The following HSD17B6 variants were observed in gnomAD, a reference collection of about 807,000 sequenced individuals.
HSD17B6 encodes 17-beta-hydroxysteroid dehydrogenase type 6.
Under a neutral mutation model 26.4 loss-of-function variants are expected in HSD17B6, and 16 were observed. That is an observed-to-expected ratio of 0.61 (90% confidence interval 0.41 to 0.92). HSD17B6 has a LOEUF of 0.92. HSD17B6 is among the 40% of genes least tolerant of loss of function. The pLI is 0.00. For synonymous variants in HSD17B6, 139 were observed against 153.0 expected, an observed-to-expected ratio of 0.91 and a Z score of 0.68; for missense variants, 357 against 386.1, an observed-to-expected ratio of 0.92 and a Z score of 0.63.
At chr12:56,784,800 A>G in intron 3 of HSD17B6, 53 bp from the exon 4 acceptor site, 2 of 1,552,964 alleles carry the variant, frequency 1.3e-6, no homozygotes, top group South Asian at 2.4e-5. Context: ...TCCTTCCTGA[A>G]AGCATTGAAA....
chr12:56,771,501 C>T (rs373246096), intron 1 of HSD17B6, among the ~76,000 whole-genome samples: 1 of 146,420 alleles, frequency 6.8e-6, no homozygotes, highest in Admixed American at 7.0e-5. Context: ...CTCTGTCACC[C>T]AGGCTGGAAT....
chr12:56,777,450 C>T (rs889858006), intron 2 of HSD17B6, among the ~76,000 whole-genome samples: 24 of 151,198 alleles, frequency 1.6e-4, no homozygotes, highest in Middle Eastern at 3.2e-3. Flanking sequence ...CTGCAAACTC[C>T]GCCTCCCAGG....
Position 56,787,081 on chromosome 12 carries a change from T to C in HSD17B6, c.737-44T>C, listed in dbSNP as rs1298689432. On this transcript the variant is annotated intron_variant, in intron 4 of 4. Transcript: ENST00000322165. The stretch of plus-strand genomic sequence containing the variant: ...CTGTGACTGCATGATCTTAAAAATA[T>C]AAGGAATAAGATTGTTGACCACCAT... 8 of 1,422,282 alleles carry C rather than the reference T, an allele frequency of 5.6e-6. No individual in the cohort carries two copies. In the Admixed American group the frequency reaches 1.4e-4, roughly 24 times the overall value. The allele number at this position is 1,422,282 out of a possible 1,614,324, so 88.1% of individuals were successfully genotyped here. A position where few individuals can be genotyped will look rare whatever the true frequency, so the allele number is the denominator to read the frequency against.
chr12:56,783,679 C>T (rs1421295894), intron 3 of HSD17B6, among the ~76,000 whole-genome samples: 12 of 141,488 alleles, frequency 8.5e-5, no homozygotes, highest in East Asian at 2.2e-4. Flanking sequence ...GACGGCTGGC[C>T]GGGCGGGGGG....
chr12:56,768,875 G>A (rs1436218216), intron 1 of HSD17B6, among the ~76,000 whole-genome samples: 2 of 152,030 alleles, frequency 1.3e-5, no homozygotes, highest in Non-Finnish European at 2.9e-5. Flanking sequence ...TAGAGAACAT[G>A]GATGGTAAAG....
At chr12:56,782,827 G>A (rs544560452) in intron 3 of HSD17B6, among the ~76,000 whole-genome samples, 16 of 152,160 alleles carry the variant, frequency 1.1e-4, no homozygotes, top group African/African-American at 3.9e-4. Flanking sequence ...CTTGAGATTA[G>A]GGAGTGGTGA....
chr12:56,764,122 T>C (rs978466695), intron 1 of HSD17B6, among the ~76,000 whole-genome samples: 15 of 71,528 alleles, frequency 2.1e-4, no homozygotes, highest in African/African-American at 7.5e-4. Context: ...AAAAAGAAAA[T>C]CAAAAAGAAA....
intron 2 of HSD17B6, among the ~76,000 whole-genome samples, chr12:56,776,304 C>CTT (rs141890070): frequency 0.078 from 8,914 of 114,734 alleles, 810 homozygotes; most frequent in African/African-American, 0.11. Context: ...CATGTCTTGC[C>CTT]TTTTTTTTTT....
At chr12:56,782,492 A>G (rs567128388) in intron 3 of HSD17B6, among the ~76,000 whole-genome samples, 2 of 151,986 alleles carry the variant, frequency 1.3e-5, no homozygotes, top group South Asian at 2.1e-4. Flanking sequence ...AATTCTCAAT[A>G]TTTATTTTTT....
In HSD17B6 at chr12:56,784,897, C is replaced by G; in HGVS notation, c.617C>G (p.Pro206Arg). The G allele has an allele frequency of 6.2e-7, 1 of 1,613,896 alleles. No homozygotes were observed. Among genetic ancestry groups the G allele is most frequent in the Non-Finnish European group, 8.5e-7 (1 of 1,179,994 alleles). ...GGGGTGAAAATCAGCATAGTTGAAC[C>G]TGGCTACTTCAGAACGGGAATGACA... ...HFGVKISIVE[P>R]GYFRTGMTNM... Residue 206 changes from proline (P) to arginine (R), a missense_variant, in exon 4 of 5, where the codon CCT (proline) becomes CGT (arginine). Pro to Arg is a moderately radical substitution (Grantham distance 103). Transcript: ENST00000322165.
intron 3 of HSD17B6, among the ~76,000 whole-genome samples, chr12:56,783,346 C>T (rs544283639): frequency 1.1e-4 from 14 of 132,126 alleles, no homozygotes; most frequent in Non-Finnish European, 1.6e-4. Flanking sequence ...CCGGACGGGG[C>T]GGCTGGCCGG....
In HSD17B6 at chr12:56,784,991, C is replaced by G. The variant is rs1303973001; in HGVS notation, c.711C>G (p.Thr237=). The change falls in exon 4 of 5, where the codon ACC becomes ACG. Residue 237 remains threonine, a synonymous_variant. Coordinates refer to ENST00000322165, the MANE Select transcript of HSD17B6 (RefSeq NM_003725.4). ...WKEAPKHIKE[T]YGQQYFDALY... is the part of the protein sequence containing the mutation. ...AAGCCCCCAAGCATATTAAGGAGAC[C>G]TATGGACAGCAGTATTTTGATGCCC... 6.2e-7 allele frequency: 1 copy of G among 1,613,060 alleles called. No individual in the cohort carries two copies. The highest frequency in any genetic ancestry group is 8.5e-7 in the Non-Finnish European group (1 of 1,179,822).
chr12:56,766,306 G>A (rs1565914774), intron 1 of HSD17B6, among the ~76,000 whole-genome samples: 3 of 152,158 alleles, frequency 2.0e-5, no homozygotes, highest in Admixed American at 6.5e-5. Flanking sequence ...TCACTGGGAC[G>A]CGTGTGACAA....
intron 1 of HSD17B6, among the ~76,000 whole-genome samples, chr12:56,770,995 G>A (rs1391764803): frequency 1.3e-5 from 2 of 152,134 alleles, no homozygotes; most frequent in African/African-American, 4.8e-5. Context: ...GGCACCCTCC[G>A]ATCTGCTGTG....
chr12:56,776,391 C>T (rs1305876877), intron 2 of HSD17B6, among the ~76,000 whole-genome samples: 1 of 148,282 alleles, frequency 6.7e-6, no homozygotes, highest in African/African-American at 2.5e-5. Flanking sequence ...TGCAGCCTCA[C>T]TCTCCTTGGT....
chr12:56,767,056 AG>A (rs1001571269), intron 1 of HSD17B6, among the ~76,000 whole-genome samples: 1 of 152,072 alleles, frequency 6.6e-6, no homozygotes, highest in Non-Finnish European at 1.5e-5. Flanking sequence ...TGGTCTTGAA[AG>A]GGAAAGGCAG....
Position 56,787,026 on chromosome 12 carries a change from A to G in HSD17B6, c.737-99A>G, listed in dbSNP as rs182967742. 116 of 883,736 alleles carry G rather than the reference A, an allele frequency of 1.3e-4. No homozygotes were observed. In the East Asian group the frequency reaches 2.7e-3, roughly 21 times the overall value. The allele number at this position is 883,736 out of a possible 1,614,324, so 54.7% of individuals were successfully genotyped here. ...TGGGATGCACATTCTAGATCATTCT[A>G]TTTTGTAGAAATTAGATGTGGTGAG... is the stretch of plus-strand genomic sequence containing the variant. On this transcript the variant is annotated intron_variant, in intron 4 of 4. Transcript: ENST00000322165.
intron 2 of HSD17B6, among the ~76,000 whole-genome samples, chr12:56,779,071 C>A (rs900860426): frequency 7.3e-6 from 1 of 136,654 alleles, no homozygotes; most frequent in African/African-American, 3.2e-5. Flanking sequence ...GATATAAAAA[C>A]TAATCCAATC....
rs1005691860 is a variant in HSD17B6, at chr12:56,786,251, T to G, written c.737-874T>G. 3.9e-4 allele frequency among the ~76,000 whole-genome samples: 33 copies of G among 85,150 alleles called. 1 individual carries two copies. Among genetic ancestry groups the G allele is most frequent in the East Asian group, 7.5e-4 (2 of 2,676 alleles). The allele number at this position is 85,150 out of a possible 152,430, so 55.9% of individuals were successfully genotyped here. A position where few individuals can be genotyped will look rare whatever the true frequency, so the allele number is the denominator to read the frequency against. On this transcript the variant is annotated intron_variant, in intron 4 of 4. Transcript: ENST00000322165. ...CTAGTAACAGAATTAAGTTGTGTGT[T>G]TTTTTTTTTTTTTTTTGAGACAGAG...
Sources: gnomAD v4.1 joint callset for allele counts (sites outside exome capture counted in the v4.1 genomes callset) on GRCh38, gnomAD v4.1.1 for gene constraint, MANE v1.5 for transcripts, NCBI Gene and HGNC (gene_info 2026-07-23, HGNC 2026-07-21) for gene names.